EDEM3: variants seen among roughly 807,000 people sequenced by gnomAD.
EDEM3 encodes the protein ER degradation-enhancing alpha-mannosidase-like protein 3.
EDEM3 carries 60 observed loss-of-function variants against 110.2 expected under a neutral mutation model. The ratio of observed to expected loss-of-function variants is 0.54; its 90% CI spans 0.44 to 0.67. EDEM3 has a LOEUF of 0.67. EDEM3 is among the 30% of genes least tolerant of loss of function. The pLI, the probability that EDEM3 is intolerant of heterozygous loss-of-function variation, is 0.00. For missense variants in EDEM3, 996 were observed against 1,121.0 expected (o/e 0.89, Z 1.59); for synonymous variants, 352 against 382.9 (o/e 0.92, Z 0.94).
intron 6 of EDEM3, 139 bp downstream of exon 6, chr1:184,732,698 T>C: frequency 1.3e-6 from 1 of 751,354 alleles, no homozygotes; most frequent in East Asian, 2.8e-5. Context: ...GAAATGAAAA[T>C]ATAAATTTGT....
chr1:184,696,090 C>A (rs568937928), intron 19 of EDEM3, among the ~76,000 whole-genome samples: 1 of 151,952 alleles, frequency 6.6e-6, no homozygotes, highest in African/African-American at 2.4e-5. Context: ...ATGCAATTGT[C>A]TCAAGAATCC....
intron 6 of EDEM3, among the ~76,000 whole-genome samples, chr1:184,730,016 T>G (rs1338063172): frequency 6.6e-6 from 1 of 152,176 alleles, no homozygotes; most frequent in Non-Finnish European, 1.5e-5. Context: ...GATCAACAAA[T>G]TTAACTGTAC....
Position 184,754,503 on chromosome 1 carries a change from C to T in EDEM3, c.144G>A (p.Glu48=), listed in dbSNP as rs1282678887. The change falls in exon 1 of 20, where the codon GAG becomes GAA. Residue 48 remains glutamate (E), a synonymous_variant. Coordinates refer to ENST00000318130, the MANE Select transcript of EDEM3 (RefSeq NM_025191.4). Reference sequence around the variant, plus strand: ...AGCACCCTTACCCAAGCTTCTGTTTCTCCTCCCTACTCATGGGCTCGGCCC... The same window carrying T: ...AGCACCCTTACCCAAGCTTCTGTTTTTCCTCCCTACTCATGGGCTCGGCCC... ...TAGAEPMSRE[E]KQKLGNQVLE... is the part of the protein sequence containing the mutation. 3 of 1,613,312 alleles carry T rather than the reference C, an allele frequency of 1.9e-6. No homozygotes were observed. The highest frequency in any genetic ancestry group is 3.3e-5 in the Admixed American group (2 of 60,012).
intron 2 of EDEM3, among the ~76,000 whole-genome samples, chr1:184,747,055 C>A (rs923913013): frequency 4.0e-5 from 6 of 149,656 alleles, no homozygotes; most frequent in Non-Finnish European, 7.4e-5. Context: ...TTCATCTTCA[C>A]AAGAATTCAA....
At chr1:184,749,287 C>T (rs1652617153) in intron 2 of EDEM3, among the ~76,000 whole-genome samples, 1 of 152,060 alleles carries the variant, frequency 6.6e-6, no homozygotes, top group African/African-American at 2.4e-5. Flanking sequence ...CTATATAAAG[C>T]ACTCAATGAT....
At chr1:184,712,214 C>T (rs1650287209) in intron 14 of EDEM3, among the ~76,000 whole-genome samples, 1 of 152,082 alleles carries the variant, frequency 6.6e-6, no homozygotes, top group Non-Finnish European at 1.5e-5. Context: ...GCATGAGCCA[C>T]CGCACCTGGC....
intron 19 of EDEM3, among the ~76,000 whole-genome samples, chr1:184,696,736 C>T (rs1219169943): frequency 6.6e-6 from 1 of 151,958 alleles, no homozygotes; most frequent in African/African-American, 2.4e-5. Flanking sequence ...GCTTATTTAT[C>T]CTAGGTTCCC....
At position 184,719,583 on chromosome 1, in the gene EDEM3, CAT is replaced by C. The variant is rs1650764628; in HGVS notation, c.952-17_952-16del. 6.2e-7 allele frequency: 1 copy of C among 1,611,952 alleles called. No homozygotes were observed. The highest frequency in any genetic ancestry group is 2.2e-5 in the East Asian group (1 of 44,840). On this transcript the variant is annotated splice_polypyrimidine_tract_variant and intron_variant, in intron 9 of 19. Transcript: ENST00000318130. ...GCATCATAGTGCTAAAAGATCACAA[CAT>C]GTGTTCATGAAAGTTAGATGAAAAA...
At position 184,700,516 on chromosome 1, in the gene EDEM3, A is replaced by G. The variant is rs546222144; in HGVS notation, c.2389+2295T>C. ...AGGGGTGCTTTCTGAATCTTGTTCA[A>G]TATTTCTCAAAGTGTAGCTGAGGAA... On this transcript the variant is annotated intron_variant, in intron 19 of 19. Transcript: ENST00000318130. Among the ~76,000 whole-genome samples, 7 of 152,128 alleles carry G rather than the reference A, an allele frequency of 4.6e-5. No individual in the cohort carries two copies. The East Asian group carries it at 1.4e-3, about 29-fold the overall frequency.
chr1:184,738,680 A>G (rs1262534229), intron 2 of EDEM3, among the ~76,000 whole-genome samples: 3 of 152,218 alleles, frequency 2.0e-5, no homozygotes, highest in Non-Finnish European at 4.4e-5. Context: ...CCAAACTCCT[A>G]GGTAAAAGAT....
chr1:184,730,206 C>T (rs1651429793), intron 6 of EDEM3, among the ~76,000 whole-genome samples: 1 of 152,092 alleles, frequency 6.6e-6, no homozygotes, highest in African/African-American at 2.4e-5. Flanking sequence ...AAAAGCATTC[C>T]CTACTCAGTG....
intron 11 of EDEM3, 59 bp downstream of exon 11, chr1:184,719,103 C>T (rs61823883): frequency 0.06 from 51,370 of 861,054 alleles, 1,266 homozygotes; most frequent in African/African-American, 0.12. Flanking sequence ...TATATGTGTA[C>T]GTGTGTGTGT....
intron 19 of EDEM3, chr1:184,701,581 A>G: frequency 8.0e-7 from 1 of 1,246,684 alleles, no homozygotes. Context: ...AGGGGGAAAA[A>G]AAGCAAATGC....
chr1:184,725,464 A>G (rs538025758), intron 7 of EDEM3, among the ~76,000 whole-genome samples: 1 of 152,154 alleles, frequency 6.6e-6, no homozygotes, highest in South Asian at 2.1e-4. Flanking sequence ...AGTTTAAAAG[A>G]TTAACCAACC....
At chr1:184,699,454 CAT>C (rs1248257160) in intron 19 of EDEM3, among the ~76,000 whole-genome samples, 2 of 151,816 alleles carry the variant, frequency 1.3e-5, no homozygotes, top group African/African-American at 2.4e-5. Flanking sequence ...CATGAGAAAA[CAT>C]GTCTTGGATG....
chr1:184,737,190 A>T (rs1209666787), intron 3 of EDEM3, 126 bp from the exon 4 acceptor site: 7 of 759,676 alleles, frequency 9.2e-6, no homozygotes, highest in Non-Finnish European at 1.5e-5. Context: ...ATGTATCTAT[A>T]GTACAATGAA....
intron 18 of EDEM3, among the ~76,000 whole-genome samples, chr1:184,703,650 G>A (rs1001421440): frequency 3.9e-5 from 6 of 151,958 alleles, no homozygotes; most frequent in Non-Finnish European, 2.9e-5. Context: ...CGACAATCAC[G>A]ACCACCTCCA....
At chr1:184,698,725 A>C (rs1649456616) in intron 19 of EDEM3, among the ~76,000 whole-genome samples, 1 of 151,798 alleles carries the variant, frequency 6.6e-6, no homozygotes, top group Non-Finnish European at 1.5e-5. Flanking sequence ...TCTATGCAGC[A>C]CTATAGGAAA....
intron 6 of EDEM3, among the ~76,000 whole-genome samples, chr1:184,728,358 G>T (rs1449513208): frequency 6.6e-6 from 1 of 152,114 alleles, no homozygotes; most frequent in Non-Finnish European, 1.5e-5. Context: ...TCATAAGAAA[G>T]CAAAAGCAAA....
Sources: gnomAD v4.1 joint callset for allele counts (sites outside exome capture counted in the v4.1 genomes callset) on GRCh38, gnomAD v4.1.1 for gene constraint, MANE v1.5 for transcripts, NCBI Gene and HGNC (gene_info 2026-07-23, HGNC 2026-07-21) for gene names.